The following UBTD1 variants were observed in gnomAD, a reference collection of about 807,000 sequenced individuals.
The protein encoded by UBTD1 is ubiquitin domain-containing protein 1.
A neutral mutation model predicts 21.7 loss-of-function variants in UBTD1; 19 were observed. The observed-to-expected ratio is 0.87, with a 90% CI of 0.61 to 1.28. The LOEUF (loss-of-function observed/expected upper bound fraction) is 1.28. Among genes scored for constraint, UBTD1 ranks in the 50% most tolerant of loss-of-function variants. The pLI is 0.00. For missense variants in UBTD1, 282 were observed against 315.1 expected, an observed-to-expected ratio of 0.89 and a Z score of 0.80; for synonymous variants, 116 against 135.1, an observed-to-expected ratio of 0.86 and a Z score of 0.98.
chr10:97,521,312 G>A (rs1387846772), intron 1 of UBTD1, among the ~76,000 whole-genome samples: 2 of 152,210 alleles, frequency 1.3e-5, no homozygotes, highest in Admixed American at 1.3e-4. Flanking sequence ...TGGCATTTGA[G>A]TTCACTTCTA....
At position 97,552,275 on chromosome 10, in the gene UBTD1, G is replaced by A. The variant is rs2040641785; in HGVS notation, c.71-15639G>A. On this transcript the variant is annotated intron_variant, in intron 1 of 2. Transcript: ENST00000370664. ...TATAATCACAGCTCCTCAGGAGGCGGAGGTGGGAGCATCGCTTGAGCCCAG... is the reference window on the plus strand; with the variant it reads ...TATAATCACAGCTCCTCAGGAGGCGAAGGTGGGAGCATCGCTTGAGCCCAG... Among the ~76,000 whole-genome samples the A allele has an allele frequency of 2.6e-5, 4 of 151,988 alleles. No individual in the cohort carries two copies. The South Asian group carries it at 8.3e-4, about 32-fold the overall frequency.
intron 1 of UBTD1, among the ~76,000 whole-genome samples, chr10:97,528,136 C>A (rs1402230225): frequency 3.2e-5 from 3 of 94,930 alleles, no homozygotes; most frequent in African/African-American, 4.7e-5. Flanking sequence ...CTGACCCCCC[C>A]ACCTCCCTCC....
chr10:97,529,974 T>G (rs931129056), intron 1 of UBTD1, among the ~76,000 whole-genome samples: 10 of 152,256 alleles, frequency 6.6e-5, no homozygotes, highest in African/African-American at 2.4e-4. Flanking sequence ...TGTTCTTTGG[T>G]ACTTGGAGCA....
At chr10:97,533,752 G>A (rs2040545078) in intron 1 of UBTD1, among the ~76,000 whole-genome samples, 2 of 151,952 alleles carry the variant, frequency 1.3e-5, no homozygotes, top group East Asian at 1.9e-4. Flanking sequence ...GGTGAAACCC[G>A]TCTCTACTAA....
chr10:97,537,983 A>G (rs1417550827), intron 1 of UBTD1, among the ~76,000 whole-genome samples: 1 of 151,582 alleles, frequency 6.6e-6, no homozygotes, highest in Admixed American at 6.6e-5. Flanking sequence ...GTGCCACCAC[A>G]CCTGGCTAAT....
intron 1 of UBTD1, among the ~76,000 whole-genome samples, chr10:97,532,101 TGA>T (rs2040534614): frequency 6.6e-6 from 1 of 151,700 alleles, no homozygotes; most frequent in Admixed American, 6.6e-5. Flanking sequence ...GTTAGAAAGG[TGA>T]GAGAGTCAAG....
intron 1 of UBTD1, among the ~76,000 whole-genome samples, chr10:97,522,315 A>T (rs1034095755): frequency 6.6e-6 from 1 of 152,234 alleles, no homozygotes; most frequent in Admixed American, 6.5e-5. Context: ...CTGTAGAGTG[A>T]GTGCCTGTGC....
chr10:97,532,283 C>T (rs2040535576), intron 1 of UBTD1, among the ~76,000 whole-genome samples: 1 of 152,220 alleles, frequency 6.6e-6, no homozygotes, highest in South Asian at 2.1e-4. Flanking sequence ...TGCCATCTTC[C>T]TCCCAAAGCC....
rs866660390 is a variant in UBTD1 at position 97,517,020 on chromosome 10, C to T, written c.70+17747C>T. Among the ~76,000 whole-genome samples the T allele has an allele frequency of 3.3e-5, 5 of 152,150 alleles. 1 individual carries two copies. The Middle Eastern group carries it at 0.01, about 313-fold the overall frequency. ...GGGAGAGGCAGGGCACCTGGGAGGG[C>T]ATTGCTGGACTCCAAGGATGACAGG... On this transcript the variant is annotated intron_variant, in intron 1 of 2. Coordinates refer to ENST00000370664, the MANE Select transcript of UBTD1 (RefSeq NM_024954.5).
intron 1 of UBTD1, among the ~76,000 whole-genome samples, chr10:97,559,859 G>C (rs537671172): frequency 6.6e-6 from 1 of 152,142 alleles, no homozygotes; most frequent in African/African-American, 2.4e-5. Flanking sequence ...TTTAAAACTT[G>C]CTTAAACTTT....
intron 1 of UBTD1, among the ~76,000 whole-genome samples, chr10:97,549,287 C>T (rs1215960378): frequency 1.3e-5 from 2 of 152,198 alleles, no homozygotes; most frequent in African/African-American, 4.8e-5. Flanking sequence ...CTGCCTCTTC[C>T]TATTCAGTGA....
intron 1 of UBTD1, among the ~76,000 whole-genome samples, chr10:97,560,488 A>AT: frequency 6.6e-6 from 1 of 152,088 alleles, no homozygotes; most frequent in Non-Finnish European, 1.5e-5. Flanking sequence ...CCAGCTGCTT[A>AT]TGCTGCTGTT....
intron 1 of UBTD1, among the ~76,000 whole-genome samples, chr10:97,550,096 A>G (rs1410274716): frequency 1.3e-5 from 2 of 152,178 alleles, no homozygotes; most frequent in Admixed American, 1.3e-4. Context: ...CTTGCCGGCC[A>G]GCTGTTGGGA....
At chr10:97,516,353 G>C (rs2040444253) in intron 1 of UBTD1, among the ~76,000 whole-genome samples, 1 of 152,230 alleles carries the variant, frequency 6.6e-6, no homozygotes, top group South Asian at 2.1e-4. Flanking sequence ...ATGTCGGCGT[G>C]TTCCATGGTT....
chr10:97,553,651 A>T (rs1473513670), intron 1 of UBTD1, among the ~76,000 whole-genome samples: 1 of 152,134 alleles, frequency 6.6e-6, no homozygotes, highest in African/African-American at 2.4e-5. Flanking sequence ...CCACTGATGA[A>T]GAGAGCCAAC....
intron 1 of UBTD1, among the ~76,000 whole-genome samples, chr10:97,552,515 G>A (rs762164226): frequency 4.1e-5 from 6 of 146,904 alleles, no homozygotes; most frequent in Non-Finnish European, 7.4e-5. Flanking sequence ...CCTGCCTCAA[G>A]CTCCCAAGTA....
At chr10:97,507,236 C>T (rs1275502399) in intron 1 of UBTD1, among the ~76,000 whole-genome samples, 2 of 152,126 alleles carry the variant, frequency 1.3e-5, no homozygotes, top group African/African-American at 4.8e-5. Context: ...TTTATAATAG[C>T]CATCCTAATG....
chr10:97,532,586 T>C (rs1273748314), intron 1 of UBTD1, among the ~76,000 whole-genome samples: 2 of 152,120 alleles, frequency 1.3e-5, no homozygotes, highest in African/African-American at 4.8e-5. Flanking sequence ...GGTCAAGAGA[T>C]CGAGACCATC....
intron 1 of UBTD1, among the ~76,000 whole-genome samples, chr10:97,519,370 A>G (rs1440564107): frequency 6.6e-6 from 1 of 152,248 alleles, no homozygotes; most frequent in African/African-American, 2.4e-5. Context: ...CTACAGAGGA[A>G]GAAATAATAG....
Sources: allele counts gnomAD v4.1 joint callset (sites outside exome capture counted in the v4.1 genomes callset), GRCh38; gene constraint gnomAD v4.1.1; transcripts MANE v1.5; gene names NCBI Gene and HGNC (gene_info 2026-07-23, HGNC 2026-07-21).